NAV1: variants seen among roughly 807,000 people sequenced by gnomAD.
The protein encoded by NAV1 is neuron navigator 1, also known as pore membrane and/or filament interacting like protein 3.
In NAV1, 18 loss-of-function variants were observed where a neutral mutation model predicts 175.2. The ratio of observed to expected loss-of-function variants is 0.10; its 90% CI spans 0.07 to 0.15. The LOEUF (loss-of-function observed/expected upper bound fraction) is 0.15, where lower values mean the gene tolerates loss of function less well. Among genes scored for constraint, NAV1 ranks in the 10% least tolerant of loss-of-function variants. The pLI, the probability that NAV1 is intolerant of heterozygous loss-of-function variation, is 1.00. For missense variants in NAV1, 1,731 were observed against 2,436.6 expected, an observed-to-expected ratio of 0.71 and a Z score of 6.10; for synonymous variants, 897 against 978.7, an observed-to-expected ratio of 0.92 and a Z score of 1.56.
intron 2 of NAV1, among the ~76,000 whole-genome samples, chr1:201,598,890 G>A (rs1667437210): frequency 6.6e-6 from 1 of 152,202 alleles, no homozygotes; most frequent in African/African-American, 2.4e-5. Flanking sequence ...TTACCCTGGA[G>A]CTGATAGGCT....
At position 201,576,583 on chromosome 1, in the gene NAV1, A is replaced by T. The variant is rs1385661265; in HGVS notation, c.-143-11956A>T. Among the ~76,000 whole-genome samples the T allele has an allele frequency of 3.3e-5, 5 of 152,064 alleles. No individual in the cohort carries two copies. The South Asian group carries it at 6.2e-4, about 19-fold the overall frequency. ...CAGCGAGACCCTCTCCAAAAAAAAA[A>T]ATAATAAAGCTAATATATTCATTCG... On this transcript the variant is annotated intron_variant, in intron 1 of 33. Coordinates refer to the NAV1 transcript ENST00000685211.
chr1:201,806,248 G>C (rs1023361079), intron 17 of NAV1, among the ~76,000 whole-genome samples: 2 of 152,074 alleles, frequency 1.3e-5, no homozygotes, highest in Non-Finnish European at 2.9e-5. Context: ...GCCTCCAAAA[G>C]TGCAGGAATT....
At chr1:201,735,179 G>C (rs1230977715) in intron 3 of NAV1, among the ~76,000 whole-genome samples, 1 of 152,114 alleles carries the variant, frequency 6.6e-6, no homozygotes, top group Non-Finnish European at 1.5e-5. Flanking sequence ...GTCAATCTGA[G>C]CCCCACACCA....
chr1:201,794,075 T>A, intron 14 of NAV1, 200 bp downstream of exon 18: 1 of 701,182 alleles, frequency 1.4e-6, no homozygotes, highest in Non-Finnish European at 2.6e-6. Context: ...TCTATCAAGT[T>A]TTGCAGAATT....
intron 29 of NAV1, among the ~76,000 whole-genome samples, 179 bp from the exon 34 acceptor site, chr1:201,819,658 A>C (rs1481272039): frequency 6.6e-6 from 1 of 151,698 alleles, no homozygotes; most frequent in East Asian, 1.9e-4. Context: ...TTTTATTTTT[A>C]TTTTTTGGTA....
chr1:201,809,014 A>G lies in NAV1; in HGVS notation c.4207+143A>G, dbSNP rs1571514567. 1.5e-5 allele frequency: 19 copies of G among 1,281,714 alleles called. No individual in the cohort carries two copies. In the East Asian group the frequency reaches 4.2e-4, roughly 28 times the overall value. The allele number at this position is 1,281,714 out of a possible 1,614,324, so 79.4% of individuals were successfully genotyped here. A position where few individuals can be genotyped will look rare whatever the true frequency, so the allele number is the denominator to read the frequency against. ...CAGTGTCCTAAGACACTGAGTTGTA[A>G]TGGTCCTTCAACCTTAACTACTTTT... On this transcript the variant is annotated intron_variant, in intron 20 of 29. Transcript: ENST00000367296.
At chr1:201,713,389 T>C (rs1671994010) in intron 2 of NAV1, among the ~76,000 whole-genome samples, 1 of 152,204 alleles carries the variant, frequency 6.6e-6, no homozygotes, top group South Asian at 2.1e-4. Context: ...TGGCCTCTTC[T>C]ACGAGCCACT....
At chr1:201,600,847 C>T (rs1036580392) in intron 2 of NAV1, among the ~76,000 whole-genome samples, 9 of 152,200 alleles carry the variant, frequency 5.9e-5, no homozygotes, top group African/African-American at 2.2e-4. Context: ...GAGAGATTCC[C>T]TACCTGAAGT....
chr1:201,556,433 A>T (rs1666014528), intron 1 of NAV1, among the ~76,000 whole-genome samples: 2 of 152,052 alleles, frequency 1.3e-5, no homozygotes, highest in South Asian at 4.1e-4. Context: ...AGAAAAAAAA[A>T]AAAAGGTCTG....
At chr1:201,667,657 T>C (rs1245504053) in intron 1 of NAV1, among the ~76,000 whole-genome samples, 1 of 152,222 alleles carries the variant, frequency 6.6e-6, no homozygotes, top group African/African-American at 2.4e-5. Flanking sequence ...GCTGTTGGCC[T>C]GACCCATGAA....
intron 1 of NAV1, among the ~76,000 whole-genome samples, chr1:201,683,813 AG>A (rs1420701400): frequency 7.0e-6 from 1 of 142,262 alleles, no homozygotes; most frequent in Non-Finnish European, 1.5e-5. Context: ...CCATTTCCAT[AG>A]TGTACTCTTC....
chr1:201,808,102 C>T lies in NAV1; in HGVS notation c.3798C>T (p.Pro1266=). 1 of 1,614,244 alleles carries T rather than the reference C, an allele frequency of 6.2e-7. No individual in the cohort carries two copies. Among genetic ancestry groups the T allele is most frequent in the South Asian group, 1.1e-5 (1 of 91,088 alleles). The change falls in exon 18 of 30, where the codon CCC becomes CCT. Residue 1266 remains proline, a synonymous_variant. Coordinates refer to ENST00000367296, the Ensembl canonical transcript of NAV1. This position sits in a 1 kb window ranked among gnomAD's most constrained non-coding sequence, Gnocchi z 5.5. ...ATGGTTCTACAGAGACTGCTTCACC[C>T]TCCATCAAGTCCTCCACCTCGTCCT...
In NAV1 at chr1:201,790,806, T is replaced by C. The variant is rs1310087690; in HGVS notation, c.3321+40T>C. The C allele has an allele frequency of 3.1e-6, 5 of 1,606,530 alleles. No homozygotes were observed. In the Admixed American group the frequency reaches 5.0e-5, roughly 16 times the overall value. On this transcript the variant is annotated intron_variant, in intron 13 of 29. Transcript: ENST00000367296. ...GTACGGAAAGATCAAGGCAGTTATTTTGACTATCGTTAGACAAGTTCAGCC... is the reference window on the plus strand; with the variant it reads ...GTACGGAAAGATCAAGGCAGTTATTCTGACTATCGTTAGACAAGTTCAGCC...
chr1:201,660,917 A>G (rs548319905), intron 1 of NAV1, among the ~76,000 whole-genome samples: 16 of 152,230 alleles, frequency 1.1e-4, no homozygotes, highest in Non-Finnish European at 1.9e-4. Flanking sequence ...GGGCTCAAAA[A>G]AGCACCTATT....
intron 1 of NAV1, among the ~76,000 whole-genome samples, chr1:201,551,083 C>T (rs1012253698): frequency 1.3e-5 from 2 of 152,302 alleles, no homozygotes; most frequent in African/African-American, 4.8e-5. Context: ...ATGTCAAAAT[C>T]GGACTCAGAG....
intron 3 of NAV1, among the ~76,000 whole-genome samples, chr1:201,729,204 C>T (rs1417236325): frequency 6.6e-6 from 1 of 152,172 alleles, no homozygotes; most frequent in Admixed American, 6.5e-5. Context: ...TCTGATATTA[C>T]AGAAAGAACA....
At chr1:201,662,456 G>T (rs143900570) in intron 1 of NAV1, among the ~76,000 whole-genome samples, 62 of 152,366 alleles carry the variant, frequency 4.1e-4, no homozygotes, top group African/African-American at 1.5e-3. Context: ...TTGGCCTGGA[G>T]CCCTAGTGTC....
intron 2 of NAV1, among the ~76,000 whole-genome samples, chr1:201,588,980 T>G (rs1394916829): frequency 1.3e-5 from 2 of 152,128 alleles, no homozygotes; most frequent in African/African-American, 4.8e-5. Context: ...CCTGAGTAGC[T>G]GGGACTACAG....
intron 15 of NAV1, chr1:201,797,064 C>T (rs1466466832): frequency 6.6e-6 from 1 of 152,144 alleles, no homozygotes; most frequent in Admixed American, 6.5e-5. Context: ...AAATTATTGC[C>T]TAATCCAGGG....
Sources: gnomAD v4.1 joint callset for allele counts (sites outside exome capture counted in the v4.1 genomes callset) on GRCh38, gnomAD v4.1.1 for gene constraint, Gnocchi (gnomAD v3.1) non-coding constraint, MANE v1.5 for transcripts, NCBI Gene and HGNC (gene_info 2026-07-23, HGNC 2026-07-21) for gene names.